The following MAPK14 variants were observed in gnomAD, a reference collection of about 807,000 sequenced individuals.
The protein encoded by MAPK14 is CSAID-binding protein.
MAPK14 carries 16 observed loss-of-function variants against 49.6 expected under a neutral mutation model. The observed-to-expected ratio is 0.32, with a 90% CI of 0.22 to 0.49. The LOEUF (loss-of-function observed/expected upper bound fraction) is 0.49. MAPK14 is among the 20% of genes least tolerant of loss of function. MAPK14 has a pLI of 0.99. For synonymous variants in MAPK14, 142 were observed against 158.0 expected (o/e 0.90, Z 0.76); for missense variants, 200 against 441.2 (o/e 0.45, Z 4.90).
chr6:36,076,655 G>C (rs905819911), intron 8 of MAPK14, 47 bp downstream of exon 8: 2 of 1,390,712 alleles, frequency 1.4e-6, no homozygotes, highest in Admixed American at 1.7e-5. Flanking sequence ...CTGTATTCCA[G>C]TGTCCATGGG....
At chr6:36,045,807 T>TAAA (rs1763154771) in intron 1 of MAPK14, among the ~76,000 whole-genome samples, 1 of 63,774 alleles carries the variant, frequency 1.6e-5, no homozygotes, top group African/African-American at 6.8e-5. Flanking sequence ...AGACTCTGTC[T>TAAA]CAAAAAAAAA....
intron 2 of MAPK14, among the ~76,000 whole-genome samples, chr6:36,053,945 T>TCGGCTC: frequency 7.1e-6 from 1 of 141,298 alleles, no homozygotes; most frequent in Non-Finnish European, 1.6e-5. Context: ...ATCCTATTTC[T>TCGGCTC]ACAGACAACT....
At chr6:36,072,736 G>T (rs1034993332) in intron 3 of MAPK14, 137 bp from the exon 4 acceptor site, 19 of 528,654 alleles carry the variant, frequency 3.6e-5, no homozygotes, top group Non-Finnish European at 5.4e-5. Flanking sequence ...CTGCACTCCA[G>T]CCTGGCAGTA....
the MAPK14 span, among the ~76,000 whole-genome samples, chr6:36,118,257 T>C: frequency 1.3e-5 from 2 of 152,232 alleles, no homozygotes; most frequent in African/African-American, 4.8e-5. Flanking sequence ...TGGAAGGCAT[T>C]ATGGTGTCTT....
intron 1 of MAPK14, among the ~76,000 whole-genome samples, chr6:36,030,686 C>A (rs78793358): frequency 1.9e-3 from 223 of 118,306 alleles, no homozygotes; most frequent in South Asian, 3.8e-3. Flanking sequence ...GACGCCGTCT[C>A]AAAAAAAAAA....
intron 5 of MAPK14, 27 bp downstream of exon 5, chr6:36,073,747 A>G (rs368656114): frequency 2.5e-6 from 4 of 1,606,362 alleles, no homozygotes; most frequent in Non-Finnish European, 3.4e-6. Context: ...TGATTACATT[A>G]TTTTGGGGAA....
At chr6:36,058,814 T>C (rs920687708) in intron 2 of MAPK14, among the ~76,000 whole-genome samples, 2 of 151,560 alleles carry the variant, frequency 1.3e-5, no homozygotes, top group Admixed American at 1.3e-4. Flanking sequence ...ACAGGATTGC[T>C]TGAGCTGCAG....
At chr6:36,100,467 T>A (rs916969358) in intron 9 of MAPK14, among the ~76,000 whole-genome samples, 3 of 152,222 alleles carry the variant, frequency 2.0e-5, no homozygotes, top group Non-Finnish European at 4.4e-5. Context: ...ATTAGTAAGC[T>A]TGTAAATGGA....
chr6:36,075,695 T>TA, intron 6 of MAPK14, 153 bp from the exon 7 acceptor site: 5 of 982,768 alleles, frequency 5.1e-6, no homozygotes, highest in Non-Finnish European at 7.7e-6. Flanking sequence ...CCATACATTC[T>TA]AAGTATGGAC....
chr6:36,090,958 T>C (rs1467872248), intron 8 of MAPK14, among the ~76,000 whole-genome samples: 1 of 152,222 alleles, frequency 6.6e-6, no homozygotes, highest in African/African-American at 2.4e-5. Flanking sequence ...ATGACTATTT[T>C]GACAACTTGG....
At chr6:36,072,042 T>C (rs1490408800) in intron 3 of MAPK14, among the ~76,000 whole-genome samples, 1 of 152,094 alleles carries the variant, frequency 6.6e-6, no homozygotes, top group East Asian at 1.9e-4. Context: ...GGAATAAGTA[T>C]GTAAATGTTT....
intron 1 of MAPK14, among the ~76,000 whole-genome samples, chr6:36,043,309 C>T (rs1183621202): frequency 1.3e-5 from 2 of 152,124 alleles, no homozygotes; most frequent in African/African-American, 4.8e-5. Context: ...AATCTTAAAT[C>T]TCCTGCTACT....
At chr6:36,054,942 A>G (rs531373674) in intron 2 of MAPK14, among the ~76,000 whole-genome samples, 3 of 152,258 alleles carry the variant, frequency 2.0e-5, no homozygotes, top group Non-Finnish European at 4.4e-5. Flanking sequence ...CAGAGGGCAC[A>G]TGTGATCTTT....
At chr6:36,032,455 G>C (rs1181660849) in intron 1 of MAPK14, among the ~76,000 whole-genome samples, 1 of 152,176 alleles carries the variant, frequency 6.6e-6, no homozygotes, top group Non-Finnish European at 1.5e-5. Flanking sequence ...GGGGTTTTGG[G>C]ACAGAAGGGG....
intron 6 of MAPK14, among the ~76,000 whole-genome samples, chr6:36,074,606 G>A (rs750479020): frequency 1.3e-5 from 2 of 151,788 alleles, no homozygotes; most frequent in Non-Finnish European, 2.9e-5. Flanking sequence ...TTATGATAAA[G>A]ACCATTTCTT....
intron 9 of MAPK14, among the ~76,000 whole-genome samples, chr6:36,101,408 G>A (rs1255011161): frequency 1.3e-5 from 2 of 152,104 alleles, no homozygotes; most frequent in East Asian, 1.9e-4. Context: ...GTGACCTCCA[G>A]CCTAGGCAAC....
chr6:36,101,323 A>C (rs920945967), intron 9 of MAPK14, among the ~76,000 whole-genome samples: 2 of 152,134 alleles, frequency 1.3e-5, no homozygotes, highest in African/African-American at 4.8e-5. Context: ...CTGTAGTCCC[A>C]GCTACTTGGG....
At chr6:36,058,238 C>T (rs114471296) in intron 2 of MAPK14, among the ~76,000 whole-genome samples, 2,103 of 152,016 alleles carry the variant, frequency 0.014, 60 homozygotes, top group African/African-American at 0.048. Context: ...TTAAAAATGT[C>T]AGTTTTGAAG....
intron 9 of MAPK14, among the ~76,000 whole-genome samples, chr6:36,099,114 A>C (rs180709996): frequency 2.4e-3 from 372 of 152,352 alleles, no homozygotes; most frequent in Non-Finnish European, 3.8e-3. Context: ...GAGCTAAAGT[A>C]GAAAAATTAT....
Sources: gnomAD v4.1 joint callset for allele counts (sites outside exome capture counted in the v4.1 genomes callset) on GRCh38, gnomAD v4.1.1 for gene constraint, MANE v1.5 for transcripts, NCBI Gene and HGNC (gene_info 2026-07-23, HGNC 2026-07-21) for gene names.